TNS3: variants seen among roughly 807,000 people sequenced by gnomAD.
TNS3 encodes the protein tensin 3.
TNS3 carries 45 observed loss-of-function variants against 140.9 expected under a neutral mutation model. The observed-to-expected ratio is 0.32, with a 90% CI of 0.25 to 0.41. TNS3 has a LOEUF of 0.41. Among genes scored for constraint, TNS3 ranks in the 10% least tolerant of loss-of-function variants. TNS3 has a pLI of 1.00. For missense variants in TNS3, 1,716 were observed against 1,906.7 expected, an observed-to-expected ratio of 0.90 and a Z score of 1.86; for synonymous variants, 815 against 788.4, an observed-to-expected ratio of 1.03 and a Z score of -0.56.
rs147656451 is a variant in TNS3, at chr7:47,520,830, G to A, written c.-153+8206C>T. On this transcript the variant is annotated intron_variant, in intron 2 of 30. Coordinates refer to ENST00000311160, the MANE Select transcript of TNS3 (RefSeq NM_022748.12). ...ATGGGAGGGCTGAGCTCAGTTCCCCGGTAGAAGTCAACCCCAGGGTGGGGC... is the reference window on the plus strand; with the variant it reads ...ATGGGAGGGCTGAGCTCAGTTCCCCAGTAGAAGTCAACCCCAGGGTGGGGC... Among the ~76,000 whole-genome samples, 320 of 152,300 alleles carry A rather than the reference G, an allele frequency of 2.1e-3. 2 individuals are homozygous for A. Among genetic ancestry groups the A allele is most frequent in the African/African-American group, 7.5e-3 (311 of 41,560 alleles).
chr7:47,570,825 C>CT lies in TNS3; in HGVS notation c.-265+11225dup, dbSNP rs3214808. ...AAAGCTCTTATCATTTTTTTTCTTT[C>CT]TTTTTTTTTTTAAGCAGCAGCAGCC... On this transcript the variant is annotated intron_variant, in intron 1 of 30. Transcript: ENST00000311160. Among the ~76,000 whole-genome samples, 63 of 147,414 alleles carry CT rather than the reference C, an allele frequency of 4.3e-4. 1 individual carries two copies. The highest frequency in any genetic ancestry group is 1.3e-3 in the South Asian group (6 of 4,610).
rs1784884440 is a variant in TNS3 at position 47,276,716 on chromosome 7, T to C, written c.*1360A>G. 6.6e-6 allele frequency: 1 copy of C among 152,208 alleles called. No homozygotes were observed. Among genetic ancestry groups the C allele is most frequent in the African/African-American group, 2.4e-5 (1 of 41,444 alleles). The allele number at this position is 152,208 out of a possible 1,614,324, so 9.4% of individuals were successfully genotyped here. On this transcript the variant is annotated 3_prime_UTR_variant, in exon 31 of 31. Transcript: ENST00000311160. ...AAACCAGGGCATTGGAATGTTGAAA[T>C]AAGCCTGAAATACACTTGATTCAGT...
At chr7:47,334,279 G>A (rs1054530866) in intron 20 of TNS3, among the ~76,000 whole-genome samples, 4 of 152,164 alleles carry the variant, frequency 2.6e-5, no homozygotes, top group African/African-American at 9.7e-5. Flanking sequence ...CCCCTAAAAT[G>A]CCTACACCCT....
intron 17 of TNS3, among the ~76,000 whole-genome samples, chr7:47,361,213 A>AAAAAAAAAAAAAAAAAAAAAAAAAAAAAC (rs1425449483): frequency 6.9e-6 from 1 of 145,698 alleles, no homozygotes; most frequent in South Asian, 2.2e-4. Flanking sequence ...TGCCAAAAAA[A>AAAAAAAAAAAAAAAAAAAAAAAAAAAAAC]AAAAAAAAAA....
intron 3 of TNS3, among the ~76,000 whole-genome samples, chr7:47,484,313 TAC>T: frequency 6.6e-6 from 1 of 152,270 alleles, no homozygotes; most frequent in African/African-American, 2.4e-5. Flanking sequence ...TTTCTATAAG[TAC>T]AAACATCTCA....
intron 2 of TNS3, among the ~76,000 whole-genome samples, chr7:47,521,578 T>C (rs1798981320): frequency 6.6e-6 from 1 of 151,964 alleles, no homozygotes; most frequent in African/African-American, 2.4e-5. Context: ...CCATGGATAG[T>C]TCTGGAGGGA....
At chr7:47,534,051 A>C (rs1212949182) in intron 1 of TNS3, among the ~76,000 whole-genome samples, 1 of 152,120 alleles carries the variant, frequency 6.6e-6, no homozygotes, top group African/African-American at 2.4e-5. Flanking sequence ...AGGCGGGTTG[A>C]TCACCTGAGC....
Position 47,407,468 on chromosome 7 carries a change from C to T in TNS3, c.723+4259G>A, listed in dbSNP as rs1239822816. Among the ~76,000 whole-genome samples, 2 of 152,220 alleles carry T rather than the reference C, an allele frequency of 1.3e-5. No homozygotes were observed. Among genetic ancestry groups the T allele is most frequent in the South Asian group, 2.1e-4 (1 of 4,832 alleles). On this transcript the variant is annotated intron_variant, in intron 13 of 30. Transcript: ENST00000311160. This position sits in a 1 kb window ranked among gnomAD's most constrained non-coding sequence, Gnocchi z 4.1. ...CTTCTCATGCAGGCCGCACGCTGAA[C>T]GTGCTCAGGATAAAGGCTGGTGACA...
intron 4 of TNS3, among the ~76,000 whole-genome samples, chr7:47,446,226 C>T (rs1476854542): frequency 6.6e-6 from 1 of 152,132 alleles, no homozygotes; most frequent in Non-Finnish European, 1.5e-5. Context: ...ATTCTCCTGC[C>T]TCAGCCTCCC....
chr7:47,460,302 G>A (rs369865735), intron 4 of TNS3, among the ~76,000 whole-genome samples: 265 of 151,362 alleles, frequency 1.8e-3, no homozygotes, highest in African/African-American at 6.3e-3. Flanking sequence ...GGGAGAAAAC[G>A]GCCACCTACA....
At chr7:47,544,392 T>C (rs927580382) in intron 1 of TNS3, among the ~76,000 whole-genome samples, 1 of 152,100 alleles carries the variant, frequency 6.6e-6, no homozygotes, top group Admixed American at 6.5e-5. Flanking sequence ...AATCCATATG[T>C]TGAAATCCTC....
intron 2 of TNS3, among the ~76,000 whole-genome samples, chr7:47,510,660 G>C (rs1798574300): frequency 6.6e-6 from 1 of 151,992 alleles, no homozygotes; most frequent in Admixed American, 6.5e-5. Flanking sequence ...GATCACTTGA[G>C]GTCAGGAGTT....
intron 4 of TNS3, among the ~76,000 whole-genome samples, chr7:47,467,004 TGGTGGTGATGAC>T (rs1193615114): frequency 3.3e-5 from 5 of 152,114 alleles, no homozygotes; most frequent in African/African-American, 9.7e-5. Flanking sequence ...ACGGTGGTAA[TGGTGGTGATGAC>T]GGTGGTGGTG....
chr7:47,414,082 G>A (rs1005923106), intron 11 of TNS3, 85 bp from the exon 12 acceptor site: 11 of 1,423,014 alleles, frequency 7.7e-6, no homozygotes, highest in Middle Eastern at 1.8e-4. Context: ...AGAAAGCGAC[G>A]AGGAGACCAG....
intron 8 of TNS3, among the ~76,000 whole-genome samples, chr7:47,435,058 AT>A (rs1433366775): frequency 6.6e-6 from 1 of 152,264 alleles, no homozygotes; most frequent in Admixed American, 6.5e-5. Flanking sequence ...CCAGCTACAC[AT>A]TCAGGGACCA....
intron 1 of TNS3, among the ~76,000 whole-genome samples, chr7:47,545,995 T>G (rs1358595284): frequency 6.6e-6 from 1 of 152,142 alleles, no homozygotes; most frequent in African/African-American, 2.4e-5. Context: ...AGCTCTGATT[T>G]GTAGTTGGGT....
At chr7:47,437,783 C>CACACGT (rs1554327582) in intron 6 of TNS3, among the ~76,000 whole-genome samples, 2 of 121,396 alleles carry the variant, frequency 1.6e-5, no homozygotes, top group Non-Finnish European at 3.6e-5. Context: ...CACACACACA[C>CACACGT]ACGTATAAAA....
intron 20 of TNS3, among the ~76,000 whole-genome samples, chr7:47,343,998 T>C (rs1789171022): frequency 6.6e-6 from 1 of 152,156 alleles, no homozygotes; most frequent in Non-Finnish European, 1.5e-5. Flanking sequence ...AGTCTCAGTC[T>C]CAGGTAACGT....
intron 3 of TNS3, among the ~76,000 whole-genome samples, chr7:47,487,562 G>GCA (rs1317407108): frequency 2.6e-5 from 4 of 151,998 alleles, no homozygotes. Flanking sequence ...TTCCACAAAT[G>GCA]CACACACACC....
Sources: gnomAD v4.1 joint callset for allele counts (sites outside exome capture counted in the v4.1 genomes callset) on GRCh38, gnomAD v4.1.1 for gene constraint, Gnocchi (gnomAD v3.1) non-coding constraint, MANE v1.5 for transcripts, NCBI Gene and HGNC (gene_info 2026-07-23, HGNC 2026-07-21) for gene names.